RABGAP1L: variants seen among roughly 807,000 people sequenced by gnomAD.
RABGAP1L encodes the protein RAB GTPase activating protein 1 like, also known as rab GTPase-activating protein 1-like.
RABGAP1L carries 63 observed loss-of-function variants against 137.7 expected under a neutral mutation model. The observed-to-expected ratio is 0.46, with a 90% CI of 0.37 to 0.56. RABGAP1L has a LOEUF of 0.56. Ranked by LOEUF, RABGAP1L falls within the 20% of genes least tolerant of loss-of-function variation. The pLI, the probability that RABGAP1L is intolerant of heterozygous loss-of-function variation, is 0.00. For missense variants in RABGAP1L, 1,095 were observed against 1,244.0 expected (o/e 0.88, Z 1.80); for synonymous variants, 431 against 433.7 (o/e 0.99, Z 0.08).
At chr1:174,925,877 T>TG (rs1662727889) in intron 19 of RABGAP1L, among the ~76,000 whole-genome samples, 1 of 33,050 alleles carries the variant, frequency 3.0e-5, no homozygotes, top group Admixed American at 2.4e-4. Context: ...TTTGTTTTTG[T>TG]TTTTTTTTTG....
chr1:174,317,381 G>GT (rs1215957875), intron 11 of RABGAP1L, among the ~76,000 whole-genome samples: 2 of 152,054 alleles, frequency 1.3e-5, no homozygotes, highest in Non-Finnish European at 2.9e-5. Context: ...CTGGGATTGG[G>GT]TTTTTTCCTT....
chr1:174,433,974 G>A (rs1421412921), intron 13 of RABGAP1L, among the ~76,000 whole-genome samples: 2 of 152,078 alleles, frequency 1.3e-5, no homozygotes, highest in Non-Finnish European at 2.9e-5. Context: ...ATTTTAATGA[G>A]CTTTGACATG....
At chr1:174,698,450 G>T (rs183646284) in intron 15 of RABGAP1L, among the ~76,000 whole-genome samples, 1 of 152,060 alleles carries the variant, frequency 6.6e-6, no homozygotes, top group Admixed American at 6.6e-5. Context: ...ATAGTCTCAC[G>T]CTATTTACCA....
intron 19 of RABGAP1L, chr1:174,892,458 G>A (rs912546905): frequency 2.2e-6 from 1 of 447,628 alleles, no homozygotes; most frequent in Admixed American, 2.8e-5. Context: ...CGTTATTTGT[G>A]CCAGCTTTTT....
intron 13 of RABGAP1L, among the ~76,000 whole-genome samples, chr1:174,610,566 A>G (rs886426319): frequency 1.5e-4 from 23 of 152,100 alleles, no homozygotes; most frequent in Non-Finnish European, 2.4e-4. Context: ...TTGGGTATAT[A>G]CCCAGTAATG....
chr1:174,190,794 C>T (rs1667159824), intron 1 of RABGAP1L, among the ~76,000 whole-genome samples: 1 of 152,222 alleles, frequency 6.6e-6, no homozygotes, highest in Non-Finnish European at 1.5e-5. Flanking sequence ...TGTTGCCTTC[C>T]TCAGTAAGCT....
intron 13 of RABGAP1L, chr1:174,449,316 T>C: frequency 1.2e-6 from 1 of 853,968 alleles, no homozygotes; most frequent in Admixed American, 2.6e-5. Context: ...TAAAATGAAG[T>C]ATGAGACTAA....
At chr1:174,350,251 A>T (rs1229269738) in intron 11 of RABGAP1L, among the ~76,000 whole-genome samples, 2 of 125,132 alleles carry the variant, frequency 1.6e-5, no homozygotes, top group East Asian at 5.5e-4. Context: ...CTCACTTCCC[A>T]GATGGGGTGG....
intron 13 of RABGAP1L, among the ~76,000 whole-genome samples, chr1:174,411,965 G>A (rs1399605500): frequency 1.3e-5 from 2 of 152,058 alleles, no homozygotes; most frequent in African/African-American, 2.4e-5. Context: ...TGGTTGATGG[G>A]TAGAGTATCC....
chr1:174,212,591 A>G (rs964406152), intron 1 of RABGAP1L, among the ~76,000 whole-genome samples: 2 of 152,144 alleles, frequency 1.3e-5, no homozygotes, highest in Non-Finnish European at 2.9e-5. Context: ...TCAAAAAAGA[A>G]GAAAAACTTC....
intron 19 of RABGAP1L, among the ~76,000 whole-genome samples, chr1:174,844,975 C>T (rs1693895595): frequency 7.2e-6 from 1 of 138,456 alleles, no homozygotes; most frequent in Non-Finnish European, 1.6e-5. Context: ...GTATTTTATT[C>T]TCTTTGAAGC....
intron 11 of RABGAP1L, among the ~76,000 whole-genome samples, chr1:174,310,839 AG>A (rs1224565934): frequency 6.6e-6 from 1 of 152,166 alleles, no homozygotes; most frequent in Non-Finnish European, 1.5e-5. Context: ...ACTCTTTGAG[AG>A]TATTCTCTCA....
intron 18 of RABGAP1L, among the ~76,000 whole-genome samples, chr1:174,770,203 A>T (rs1686007781): frequency 1.3e-5 from 2 of 152,172 alleles, no homozygotes; most frequent in Non-Finnish European, 2.9e-5. Flanking sequence ...TGAATATTTC[A>T]TTTGTTTGTT....
chr1:174,586,605 A>G (rs1160449566), intron 13 of RABGAP1L, among the ~76,000 whole-genome samples: 1 of 152,086 alleles, frequency 6.6e-6, no homozygotes, highest in Non-Finnish European at 1.5e-5. Flanking sequence ...GTATGTATGT[A>G]TTATTTATTG....
In RABGAP1L at chr1:174,448,543, C is replaced by T; in HGVS notation, c.1710+54398C>T. The T allele has an allele frequency of 1.9e-6, 3 of 1,612,836 alleles. No homozygotes were observed. Among genetic ancestry groups the T allele is most frequent in the South Asian group, 1.1e-5 (1 of 91,052 alleles). On this transcript the variant is annotated intron_variant, in intron 13 of 25. Transcript: ENST00000681986. The surrounding 1 kb of genome is among the most constrained non-coding windows in gnomAD (Gnocchi z 4.2). The stretch of plus-strand genomic sequence containing the variant: ...GTGTGGATCGTTATCTTGCAATAAC[C>T]AAGCCTCTTTCCTACAATCAACTGG...
chr1:174,225,494 C>CTTTTTTTTTTTTTTTTTTTTTT (rs59323156), intron 3 of RABGAP1L, among the ~76,000 whole-genome samples: 8 of 105,730 alleles, frequency 7.6e-5, no homozygotes, highest in African/African-American at 2.8e-4. Context: ...AGAATGTTGA[C>CTTTTTTTTTTTTTTTTTTTTTT]TTTTTTTTTT....
intron 11 of RABGAP1L, among the ~76,000 whole-genome samples, chr1:174,335,914 T>A (rs933568048): frequency 6.6e-6 from 1 of 152,224 alleles, no homozygotes; most frequent in Non-Finnish European, 1.5e-5. Context: ...TTCTGTTGCT[T>A]AAAAGACATA....
rs549163975 is a variant in RABGAP1L at position 174,804,427 on chromosome 1, T to C, written c.2212-7405T>C. On this transcript the variant is annotated intron_variant, in intron 18 of 25. Transcript: ENST00000681986. ...CTGGGACTACAGGCGCCCACCACCA[T>C]GCCTGGCTTATTTTTGTATTTTTTG... 6.8e-3 allele frequency among the ~76,000 whole-genome samples: 1,039 copies of C among 152,018 alleles called. 13 individuals are homozygous for C. Among genetic ancestry groups the C allele is most frequent in the African/African-American group, 0.024 (978 of 41,460 alleles).
intron 5 of RABGAP1L, chr1:174,244,410 C>A (rs779565468): frequency 1.3e-5 from 2 of 152,204 alleles, no homozygotes; most frequent in Non-Finnish European, 2.9e-5. Context: ...TATAAAATCC[C>A]TCAAACTGCA....
Sources: allele counts gnomAD v4.1 joint callset (sites outside exome capture counted in the v4.1 genomes callset), GRCh38; gene constraint gnomAD v4.1.1; non-coding constraint Gnocchi (gnomAD v3.1); transcripts MANE v1.5; gene names NCBI Gene and HGNC (gene_info 2026-07-23, HGNC 2026-07-21).